The following RFX8 variants were observed in gnomAD, a reference collection of about 807,000 sequenced individuals.
The protein encoded by RFX8 is regulatory factor X8.
A neutral mutation model predicts 54.6 loss-of-function variants in RFX8; 46 were observed. The observed-to-expected ratio is 0.84, with a 90% CI of 0.67 to 1.08. The LOEUF is 1.08. Among genes scored for constraint, RFX8 ranks in the 50% least tolerant of loss-of-function variants. The pLI, the probability that RFX8 is intolerant of heterozygous loss-of-function variation, is 0.00. For synonymous variants in RFX8, 192 were observed against 209.5 expected, an observed-to-expected ratio of 0.92 and a Z score of 0.72; for missense variants, 536 against 562.3, an observed-to-expected ratio of 0.95 and a Z score of 0.47.
At chr2:101,430,582 C>T (rs1558863097) in intron 2 of RFX8, among the ~76,000 whole-genome samples, 1 of 152,152 alleles carries the variant, frequency 6.6e-6, no homozygotes, top group Non-Finnish European at 1.5e-5. Context: ...TCACCAGAAA[C>T]CAAATTTTGG....
At chr2:101,473,170 T>C (rs1243639503) in intron 1 of RFX8, among the ~76,000 whole-genome samples, 1 of 152,180 alleles carries the variant, frequency 6.6e-6, no homozygotes, top group Non-Finnish European at 1.5e-5. Context: ...CAAGCGGTCT[T>C]AGGAGGATGT....
intron 1 of RFX8, among the ~76,000 whole-genome samples, chr2:101,470,999 G>A (rs183195495): frequency 6.7e-6 from 1 of 149,224 alleles, no homozygotes; most frequent in Admixed American, 6.6e-5. Flanking sequence ...GATTACAGGC[G>A]TGAGCCACCG....
At chr2:101,443,709 T>C (rs1688222470) in intron 2 of RFX8, among the ~76,000 whole-genome samples, 1 of 152,090 alleles carries the variant, frequency 6.6e-6, no homozygotes, top group South Asian at 2.1e-4. Flanking sequence ...GACTGAGCAC[T>C]GGAGAAATGT....
At chr2:101,438,275 TATTC>T (rs780184602) in intron 2 of RFX8, among the ~76,000 whole-genome samples, 2 of 152,208 alleles carry the variant, frequency 1.3e-5, no homozygotes, top group East Asian at 3.8e-4. Context: ...TATTAGATCT[TATTC>T]ATTATGTATG....
rs999282087 is a variant in RFX8, at chr2:101,405,845, A to C, written c.928+98T>G. 17 of 645,202 alleles carry C rather than the reference A, an allele frequency of 2.6e-5. No homozygotes were observed. In the East Asian group the frequency reaches 4.5e-4, roughly 17 times the overall value. 40.0% of individuals were successfully genotyped at this position (645,202 alleles called of 1,614,324 possible). A position where few individuals can be genotyped will look rare whatever the true frequency, so the allele number is the denominator to read the frequency against. ...TATTTTACATAGAAAGGTTAAAAGA[A>C]GACGGCTGGATTCTACATAGCAATA... is the stretch of plus-strand genomic sequence containing the variant. On this transcript the variant is annotated intron_variant, in intron 10 of 11. Transcript: ENST00000428343.
chr2:101,467,732 TGG>T (rs1330673745), intron 1 of RFX8, among the ~76,000 whole-genome samples: 2 of 152,012 alleles, frequency 1.3e-5, no homozygotes, highest in African/African-American at 2.4e-5. Flanking sequence ...CCCCGGCCCC[TGG>T]GGACAGCCAG....
rs1370372819 is a variant in RFX8, at chr2:101,402,648, C to G, written c.1033G>C (p.Glu345Gln). 1 of 1,553,980 alleles carries G rather than the reference C, an allele frequency of 6.4e-7. No individual in the cohort carries two copies. Among genetic ancestry groups the G allele is most frequent in the Non-Finnish European group, 8.7e-7 (1 of 1,148,086 alleles). ...EEEEDMGTVKEMLPDDPTLGQ... is the reference protein window; with the variant it reads ...EEEEDMGTVKQMLPDDPTLGQ... ...AGAGTCGGGTCATCTGGTAGCATTT[C>G]CTTGACAGTCCCCATGTCCTCCTCC... Residue 345 changes from glutamate to glutamine, a missense_variant, in exon 11 of 12, where the codon GAA (glutamate) becomes CAA (glutamine). Glu to Gln is a conservative substitution (Grantham distance 29). Transcript: ENST00000428343.
chr2:101,407,159 TAGAG>T (rs1178695789), intron 9 of RFX8, among the ~76,000 whole-genome samples: 1 of 152,162 alleles, frequency 6.6e-6, no homozygotes, highest in Admixed American at 6.5e-5. Context: ...GAGGAAGAAA[TAGAG>T]AACTTGGCTA....
intron 6 of RFX8, among the ~76,000 whole-genome samples, chr2:101,415,887 A>G (rs1394148331): frequency 1.3e-5 from 2 of 152,246 alleles, no homozygotes; most frequent in African/African-American, 4.8e-5. Flanking sequence ...GTGACATTTA[A>G]TCTGGGCTTT....
chr2:101,408,961 A>G (rs1412488479), intron 9 of RFX8, among the ~76,000 whole-genome samples: 2 of 152,206 alleles, frequency 1.3e-5, no homozygotes, highest in African/African-American at 4.8e-5. Context: ...GCCCAGAGCC[A>G]CGCTTCCAGC....
intron 2 of RFX8, chr2:101,428,852 G>C: frequency 2.8e-6 from 2 of 719,712 alleles, no homozygotes; most frequent in South Asian, 1.6e-5. Context: ...GGGCTACCTA[G>C]AGTCAGAAGA....
At position 101,468,006 on chromosome 2, in the gene RFX8, T is replaced by C. The variant is rs114932478; in HGVS notation, c.-52-1106A>G. 3.3e-3 allele frequency among the ~76,000 whole-genome samples: 506 copies of C among 152,198 alleles called. 7 individuals are homozygous for C. The highest frequency in any genetic ancestry group is 0.012 in the African/African-American group (481 of 41,500). ...ATATGGGTATTTTGCTCTAGATGGG[T>C]ATATGGGTAGTATACAGCTTATCTT... On this transcript the variant is annotated intron_variant, in intron 1 of 11. Coordinates refer to ENST00000428343, the MANE Select transcript of RFX8 (RefSeq NM_001145664.2).
chr2:101,463,267 G>A (rs970168647), intron 2 of RFX8, among the ~76,000 whole-genome samples: 2 of 152,214 alleles, frequency 1.3e-5, no homozygotes, highest in East Asian at 1.9e-4. Context: ...CCCCCACAAC[G>A]AGGTAGAGAG....
intron 10 of RFX8, among the ~76,000 whole-genome samples, chr2:101,404,589 C>T (rs529081794): frequency 6.6e-6 from 1 of 151,542 alleles, no homozygotes; most frequent in Non-Finnish European, 1.5e-5. Context: ...CCACACCTGG[C>T]TAATTTTTTT....
At chr2:101,402,384 G>A in intron 11 of RFX8, 52 bp downstream of exon 11, 1 of 1,370,682 alleles carries the variant, frequency 7.3e-7, no homozygotes, top group Non-Finnish European at 9.9e-7. Context: ...ATCACCTGTG[G>A]CTCTTATTCC....
chr2:101,468,973 T>C (rs1193452042), intron 1 of RFX8, among the ~76,000 whole-genome samples: 1 of 139,082 alleles, frequency 7.2e-6, no homozygotes, highest in Non-Finnish European at 1.5e-5. Context: ...TATATATATA[T>C]GTAAGTATAT....
At chr2:101,419,542 T>C (rs1389402488) in intron 4 of RFX8, among the ~76,000 whole-genome samples, 1 of 152,208 alleles carries the variant, frequency 6.6e-6, no homozygotes, top group Non-Finnish European at 1.5e-5. Context: ...CACGTTGACT[T>C]TTCAGTTTCC....
intron 2 of RFX8, among the ~76,000 whole-genome samples, chr2:101,440,864 C>T (rs1206569274): frequency 2.0e-5 from 3 of 151,928 alleles, no homozygotes; most frequent in Admixed American, 6.5e-5. Context: ...AGTGTGCATA[C>T]ATTTAGGATG....
chr2:101,468,931 G>C (rs1573496345), intron 1 of RFX8, among the ~76,000 whole-genome samples: 1 of 146,294 alleles, frequency 6.8e-6, no homozygotes, highest in East Asian at 2.0e-4. Context: ...TGGTGGCATG[G>C]GGGAGTGGCA....
Sources: gnomAD v4.1 joint callset for allele counts (sites outside exome capture counted in the v4.1 genomes callset) on GRCh38, gnomAD v4.1.1 for gene constraint, MANE v1.5 for transcripts, NCBI Gene and HGNC (gene_info 2026-07-23, HGNC 2026-07-21) for gene names.